Variants in STARD13 observed in about 807,000 individuals in gnomAD.
STARD13 encodes stAR-related lipid transfer protein 13.
A neutral mutation model predicts 106.4 loss-of-function variants in STARD13; 62 were observed. The observed-to-expected ratio is 0.58, with a 90% CI of 0.48 to 0.72. The LOEUF (loss-of-function observed/expected upper bound fraction) is 0.72, where lower values mean the gene tolerates loss of function less well. Among genes scored for constraint, STARD13 ranks in the 30% least tolerant of loss-of-function variants. STARD13 has a pLI of 0.00. For synonymous variants in STARD13, 565 were observed against 553.0 expected, an observed-to-expected ratio of 1.02 and a Z score of -0.31; for missense variants, 1,387 against 1,424.0, an observed-to-expected ratio of 0.97 and a Z score of 0.42.
the STARD13 span, among the ~76,000 whole-genome samples, chr13:33,471,717 A>G: frequency 6.6e-6 from 1 of 151,246 alleles, no homozygotes; most frequent in Non-Finnish European, 1.5e-5. Flanking sequence ...AGACAAACAT[A>G]TTTTTATTTT....
chr13:33,467,246 G>A, the STARD13 span, among the ~76,000 whole-genome samples: 2 of 151,804 alleles, frequency 1.3e-5, no homozygotes, highest in East Asian at 3.9e-4. Flanking sequence ...TCCTGTCTGG[G>A]GGTGACGGGA....
the STARD13 span, among the ~76,000 whole-genome samples, chr13:33,525,016 T>C: frequency 6.6e-6 from 1 of 152,124 alleles, no homozygotes; most frequent in Non-Finnish European, 1.5e-5. Context: ...TTTAGTTTAG[T>C]TTTATTTCAT....
chr13:33,162,921 C>T (rs934821405), intron 3 of STARD13, among the ~76,000 whole-genome samples: 6 of 152,118 alleles, frequency 3.9e-5, no homozygotes, highest in South Asian at 2.1e-4. Flanking sequence ...ACCCCACTCT[C>T]GGTACCAATT....
intron 4 of STARD13, among the ~76,000 whole-genome samples, chr13:33,140,822 A>C (rs1879724294): frequency 6.7e-6 from 1 of 150,074 alleles, no homozygotes; most frequent in Admixed American, 6.7e-5. Flanking sequence ...GCAGTGGCAC[A>C]ATCTCAGCTC....
At chr13:33,381,433 A>G in the STARD13 span, among the ~76,000 whole-genome samples, 2 of 152,220 alleles carry the variant, frequency 1.3e-5, no homozygotes, top group South Asian at 4.1e-4. Flanking sequence ...AAATGCTCAT[A>G]GAATTTTAGA....
In STARD13 at chr13:33,113,325, A is replaced by G. The variant is rs1006482691; in HGVS notation, c.2282-394T>C. 1.1e-5 allele frequency: 4 copies of G among 367,482 alleles called. No individual in the cohort carries two copies. In the Admixed American group the frequency reaches 1.5e-4, roughly 13 times the overall value. 22.8% of individuals were successfully genotyped at this position (367,482 alleles called of 1,614,324 possible). A position where few individuals can be genotyped will look rare whatever the true frequency, so the allele number is the denominator to read the frequency against. ...CTCTTGCCCATCCTCCCTGACAGACAGCTTGGGAAGCCACTCTCAGGATGC... is the reference window on the plus strand; with the variant it reads ...CTCTTGCCCATCCTCCCTGACAGACGGCTTGGGAAGCCACTCTCAGGATGC... On this transcript the variant is annotated intron_variant, in intron 8 of 13. Coordinates refer to ENST00000336934, the MANE Select transcript of STARD13 (RefSeq NM_178006.4).
At chr13:33,572,382 A>T in the STARD13 span, among the ~76,000 whole-genome samples, 2,421 of 152,222 alleles carry the variant, frequency 0.016, 58 homozygotes, top group African/African-American at 0.054. Flanking sequence ...CCAAGATGTA[A>T]CCAATCCAGC....
chr13:33,515,190 G>C, the STARD13 span, among the ~76,000 whole-genome samples: 1 of 152,268 alleles, frequency 6.6e-6, no homozygotes, highest in East Asian at 1.9e-4. Context: ...TTGTGGTAAA[G>C]CTCCAATGTG....
At chr13:33,241,946 T>A (rs958422889) in intron 1 of STARD13, among the ~76,000 whole-genome samples, 21 of 152,200 alleles carry the variant, frequency 1.4e-4, no homozygotes, top group Non-Finnish European at 2.8e-4. Context: ...GATTGCAGCC[T>A]CTGTCCGGCC....
chr13:33,352,827 A>T (rs1232515124), upstream of STARD13, among the ~76,000 whole-genome samples: 1 of 152,230 alleles, frequency 6.6e-6, no homozygotes, highest in East Asian at 1.9e-4. Flanking sequence ...ACTTGGAGTA[A>T]TCTGTACAGC....
At chr13:33,508,204 G>T in the STARD13 span, among the ~76,000 whole-genome samples, 1 of 152,174 alleles carries the variant, frequency 6.6e-6, no homozygotes, top group African/African-American at 2.4e-5. Flanking sequence ...GGGGAAGCTG[G>T]CATGTGTTGC....
intron 1 of STARD13, among the ~76,000 whole-genome samples, chr13:33,323,057 G>A (rs11839173): frequency 0.053 from 8,097 of 152,058 alleles, 285 homozygotes; most frequent in African/African-American, 0.098. Flanking sequence ...TTTTTCCTCC[G>A]GCCAGAAAAT....
At chr13:33,358,921 G>A in the STARD13 span, among the ~76,000 whole-genome samples, 2 of 152,152 alleles carry the variant, frequency 1.3e-5, no homozygotes, top group African/African-American at 2.4e-5. Context: ...GGGCCTTGGA[G>A]AACCTGTGTG....
In STARD13 at chr13:33,189,329, G is replaced by A. The variant is rs532200333; in HGVS notation, c.170-21707C>T. On this transcript the variant is annotated intron_variant, in intron 1 of 13. Coordinates refer to ENST00000336934, the MANE Select transcript of STARD13 (RefSeq NM_178006.4). ...ATAAGAAAGAAGGAAAGGAGGAAGT[G>A]GGAATGGCAGGAAGGAAGTCAGGAA... 4.0e-5 allele frequency among the ~76,000 whole-genome samples: 6 copies of A among 150,380 alleles called. 1 individual carries two copies. Among genetic ancestry groups the A allele is most frequent in the African/African-American group, 1.5e-4 (6 of 41,146 alleles).
the STARD13 span, among the ~76,000 whole-genome samples, chr13:33,655,715 T>G: frequency 6.6e-6 from 1 of 152,180 alleles, no homozygotes; most frequent in African/African-American, 2.4e-5. Context: ...AACTGGAACA[T>G]AGTAGATATT....
chr13:33,656,685 C>T, the STARD13 span: 1 of 152,196 alleles, frequency 6.6e-6, no homozygotes, highest in African/African-American at 2.4e-5. Flanking sequence ...ATATGTAGCA[C>T]AGGAAGTCCT....
At chr13:33,164,001 C>G (rs1185001082) in intron 3 of STARD13, 1 of 151,956 alleles carries the variant, frequency 6.6e-6, no homozygotes, top group Non-Finnish European at 1.5e-5. Context: ...GAAACACTGT[C>G]TTTCCAATTC....
the STARD13 span, among the ~76,000 whole-genome samples, chr13:33,393,136 G>A: frequency 6.6e-6 from 1 of 152,216 alleles, no homozygotes; most frequent in Non-Finnish European, 1.5e-5. Context: ...ATGGATAAGA[G>A]TAGTTTGAAA....
chr13:33,421,801 C>T, the STARD13 span, among the ~76,000 whole-genome samples: 1 of 152,146 alleles, frequency 6.6e-6, no homozygotes, highest in Non-Finnish European at 1.5e-5. Flanking sequence ...ATATGCAAAT[C>T]AATAAACATA....
Sources: gnomAD v4.1 joint callset for allele counts (sites outside exome capture counted in the v4.1 genomes callset) on GRCh38, gnomAD v4.1.1 for gene constraint, MANE v1.5 for transcripts, NCBI Gene and HGNC (gene_info 2026-07-23, HGNC 2026-07-21) for gene names.